DCSTAMP: variants seen among roughly 807,000 people sequenced by gnomAD.
DCSTAMP encodes the protein dendrocyte expressed seven transmembrane protein, also known as dendritic cell-specific transmembrane protein.
Under a neutral mutation model 33.8 loss-of-function variants are expected in DCSTAMP, and 25 were observed. That is an observed-to-expected ratio of 0.74 (90% CI 0.54 to 1.03). The LOEUF is 1.03. DCSTAMP is among the 50% of genes least tolerant of loss of function. The pLI is 0.00. For missense variants in DCSTAMP, 531 were observed against 556.8 expected, an observed-to-expected ratio of 0.95 and a Z score of 0.47; for synonymous variants, 245 against 216.7, an observed-to-expected ratio of 1.13 and a Z score of -1.15.
At chr8:104,350,187 T>A (rs555334193) in intron 2 of DCSTAMP, among the ~76,000 whole-genome samples, 1 of 152,296 alleles carries the variant, frequency 6.6e-6, no homozygotes, top group South Asian at 2.1e-4. Flanking sequence ...GGCACTAAGA[T>A]CTTATATCTT....
At chr8:104,351,614 T>C (rs891342877) in intron 2 of DCSTAMP, among the ~76,000 whole-genome samples, 2 of 152,216 alleles carry the variant, frequency 1.3e-5, no homozygotes, top group African/African-American at 4.8e-5. Flanking sequence ...ATGCTAATTA[T>C]GGAGTGGGTT....
chr8:104,349,098 G>A lies in DCSTAMP; in HGVS notation c.546G>A (p.Leu182=). ...CTCTTTTCAGTCCCAGCCATGTCCT[G>A]GAGGCACAGCTAAATGACAGCAAAG... ...AVSLFSPSHV[L]EAQLNDSKGE... The change falls in exon 2 of 4, where the codon CTG becomes CTA. Residue 182 remains leucine (L), a synonymous_variant. Transcript: ENST00000297581. The A allele has an allele frequency of 6.2e-7, 1 of 1,614,140 alleles. No homozygotes were observed. The highest frequency in any genetic ancestry group is 8.5e-7 in the Non-Finnish European group (1 of 1,180,040).
Position 104,355,105 on chromosome 8 carries a change from C to T in DCSTAMP, c.1258C>T (p.Leu420=). The T allele has an allele frequency of 6.2e-7, 1 of 1,614,100 alleles. No individual in the cohort carries two copies. ...CGTGGAGAGGAAGCGCATCCAATAT[C>T]TGCATGCAAAGCTGCTTAAAAAAAG... ...PSVERKRIQY[L]HAKLLKKRSK... Residue 420 remains leucine (L), a synonymous_variant, in exon 3 of 4, where the codon CTG becomes TTG. Transcript: ENST00000297581.
rs901129592 is a variant in DCSTAMP at position 104,354,791 on chromosome 8, C to T, written c.1030-86C>T. Reference sequence around the variant, plus strand: ...GCTCCCTGTATATTTGAAGATAGTGCCATGTGCTGCAGGGAAGTACTGAGA... The same window carrying T: ...GCTCCCTGTATATTTGAAGATAGTGTCATGTGCTGCAGGGAAGTACTGAGA... On this transcript the variant is annotated intron_variant, in intron 2 of 3. Coordinates refer to ENST00000297581, the MANE Select transcript of DCSTAMP (RefSeq NM_030788.4). 13 of 825,528 alleles carry T rather than the reference C, an allele frequency of 1.6e-5. No individual in the cohort carries two copies. The African/African-American group carries it at 2.1e-4, about 13-fold the overall frequency. 51.1% of individuals were successfully genotyped at this position (825,528 alleles called of 1,614,324 possible). A position where few individuals can be genotyped will look rare whatever the true frequency, so the allele number is the denominator to read the frequency against.
intron 1 of DCSTAMP, among the ~76,000 whole-genome samples, chr8:104,345,057 G>A (rs895543344): frequency 1.3e-5 from 2 of 152,022 alleles, no homozygotes; most frequent in Non-Finnish European, 2.9e-5. Flanking sequence ...ACCTCAGTGT[G>A]GGATTATAGC....
At chr8:104,350,554 T>C (rs1458524670) in intron 2 of DCSTAMP, among the ~76,000 whole-genome samples, 1 of 152,222 alleles carries the variant, frequency 6.6e-6, no homozygotes, top group African/African-American at 2.4e-5. Context: ...ACAGCTACAC[T>C]TCGGTTTTTT....
intron 2 of DCSTAMP, among the ~76,000 whole-genome samples, chr8:104,350,982 G>T (rs1398351819): frequency 6.6e-6 from 1 of 152,186 alleles, no homozygotes; most frequent in Non-Finnish European, 1.5e-5. Flanking sequence ...AAGCCAGAAA[G>T]TTAACACCTA....
Position 104,354,984 on chromosome 8 carries a change from T to C in DCSTAMP, c.1137T>C (p.Pro379=). 2 of 1,614,112 alleles carry C rather than the reference T, an allele frequency of 1.2e-6. No homozygotes were observed. The highest frequency in any genetic ancestry group is 1.7e-6 in the Non-Finnish European group (2 of 1,179,932). ...TCCTTCTATCTGAGACCTGGGTTCC[T>C]CTCAGTGTTATTCTTTTGATATTAG... The part of the protein sequence containing the change: ...PKFLLSETWV[P]LSVILLILVM... Residue 379 remains proline (P), a synonymous_variant, in exon 3 of 4, where the codon CCT becomes CCC. Transcript: ENST00000297581.
chr8:104,346,077 G>A (rs761800379), intron 1 of DCSTAMP, among the ~76,000 whole-genome samples: 18 of 152,212 alleles, frequency 1.2e-4, no homozygotes, highest in African/African-American at 2.4e-4. Context: ...CTGCTGTGCC[G>A]TCTCCACTGT....
Position 104,354,889 on chromosome 8 carries a change from C to G in DCSTAMP, c.1042C>G (p.Gln348Glu). 2.5e-6 allele frequency: 4 copies of G among 1,590,896 alleles called. No individual in the cohort carries two copies. Among genetic ancestry groups the G allele is most frequent in the Non-Finnish European group, 3.4e-6 (4 of 1,164,978 alleles). ...TCTTTCATTTTAGAAACAAGGAACT[C>G]AAGATATTATCCATGATTCTTCCTT... ...LKLHGEKQGTQDIIHDSSFNI... is the reference protein window; with the variant it reads ...LKLHGEKQGTEDIIHDSSFNI... Residue 348 changes from glutamine (Q) to glutamate (E), a missense_variant, in exon 3 of 4, where the codon CAA becomes GAA. By Grantham distance (29) the Gln-to-Glu change is conservative. Coordinates refer to ENST00000297581, the MANE Select transcript of DCSTAMP (RefSeq NM_030788.4).
intron 2 of DCSTAMP, among the ~76,000 whole-genome samples, chr8:104,351,303 T>C (rs748261098): frequency 5.3e-5 from 8 of 152,256 alleles, no homozygotes; most frequent in Non-Finnish European, 8.8e-5. Flanking sequence ...GGTGTGTGTA[T>C]GCACATGTAT....
intron 1 of DCSTAMP, among the ~76,000 whole-genome samples, chr8:104,347,899 G>C (rs1588372425): frequency 6.6e-6 from 1 of 152,216 alleles, no homozygotes; most frequent in Non-Finnish European, 1.5e-5. Context: ...GGTGGGCCCA[G>C]CGTATTCACA....
rs1229526713 is a variant in DCSTAMP at position 104,356,220 on chromosome 8, C to T, written c.*22C>T. On this transcript the variant is annotated 3_prime_UTR_variant, in exon 4 of 4. Transcript: ENST00000297581. ...ATGAGAGACCCCGACTACTCCTCAG[C>T]CACATCGCACCAACAATTCTCTTCA... 1.9e-6 allele frequency: 3 copies of T among 1,602,156 alleles called. No individual in the cohort carries two copies. Among genetic ancestry groups the T allele is most frequent in the East Asian group, 2.3e-5 (1 of 44,266 alleles).
At chr8:104,345,105 A>G (rs1273315324) in intron 1 of DCSTAMP, among the ~76,000 whole-genome samples, 1 of 152,050 alleles carries the variant, frequency 6.6e-6, no homozygotes, top group Non-Finnish European at 1.5e-5. Context: ...GCCTGTCTCT[A>G]AGCCTCCCGT....
At chr8:104,356,098 A>G (rs772923786) in intron 3 of DCSTAMP, 26 bp from the exon 4 acceptor site, 2 of 1,602,300 alleles carry the variant, frequency 1.2e-6, no homozygotes, top group East Asian at 2.3e-5. Context: ...TCCAATGCCC[A>G]TTTATCCACT....
chr8:104,341,522 G>A (rs1051614824), intron 1 of DCSTAMP, among the ~76,000 whole-genome samples: 2 of 152,212 alleles, frequency 1.3e-5, no homozygotes, highest in African/African-American at 4.8e-5. Flanking sequence ...AAACGATTGA[G>A]GTGTATGTAC....
rs759990316 is a variant in DCSTAMP, at chr8:104,349,044, TG to T, written c.493del (p.Val165PhefsTer22). The T allele has an allele frequency of 1.9e-6, 3 of 1,614,222 alleles. No individual in the cohort carries two copies. The Admixed American group carries it at 5.0e-5, about 27-fold the overall frequency. ...ATPLSVFDDLVSWNQTLAVSL... is the reference protein window; with the variant it reads ...ATPLSVFDDLXSWNQTLAVSL... ...CTCCACTAAGTGTATTTGATGACCTTGTTTCTTGGAACCAGACCCTGGCAGT... is the reference window on the plus strand; with the variant it reads ...CTCCACTAAGTGTATTTGATGACCTTTTTCTTGGAACCAGACCCTGGCAGT... On this transcript the variant is annotated frameshift_variant, in exon 2 of 4. Transcript: ENST00000297581. LOFTEE classifies it high-confidence loss of function.
chr8:104,347,479 G>A (rs1810344310), intron 1 of DCSTAMP, among the ~76,000 whole-genome samples: 1 of 152,208 alleles, frequency 6.6e-6, no homozygotes, highest in Admixed American at 6.5e-5. Flanking sequence ...TGACATTTCA[G>A]CCTCTCAACC....
Position 104,356,166 on chromosome 8 carries a change from C to A in DCSTAMP, c.1381C>A (p.Gln461Lys). The A allele has an allele frequency of 1.2e-6, 2 of 1,612,932 alleles. No homozygotes were observed. The highest frequency in any genetic ancestry group is 1.7e-6 in the Non-Finnish European group (2 of 1,179,472). Residue 461 changes from glutamine (Q) to lysine (K), a missense_variant, in exon 4 of 4, where the codon CAA (glutamine) becomes AAA (lysine). Gln to Lys is a moderately conservative substitution (Grantham distance 53). Transcript: ENST00000297581. ...AGTCCTGAAAATGATTAGGAAGAAGCAAATGGACATGGCAAGTGCAGACAA... is the reference window on the plus strand; with the variant it reads ...AGTCCTGAAAATGATTAGGAAGAAGAAAATGGACATGGCAAGTGCAGACAA... Reference protein sequence around the residue: ...LPVLKMIRKKQMDMASADKS With the variant: ...LPVLKMIRKKKMDMASADKS
Sources: allele counts gnomAD v4.1 joint callset (sites outside exome capture counted in the v4.1 genomes callset), GRCh38; gene constraint gnomAD v4.1.1; transcripts MANE v1.5; gene names NCBI Gene and HGNC (gene_info 2026-07-23, HGNC 2026-07-21).